Variants in ULBP2 observed in about 807,000 individuals in gnomAD.
ULBP2 encodes UL16 binding protein 2, also known as UL16-binding protein 2.
A neutral mutation model predicts 23.6 loss-of-function variants in ULBP2; 21 were observed. The observed-to-expected ratio is 0.89, with a 90% CI of 0.63 to 1.28. ULBP2 has a LOEUF of 1.28. Among genes scored for constraint, ULBP2 ranks in the 50% most tolerant of loss-of-function variants. ULBP2 has a pLI of 0.00. For missense variants in ULBP2, 251 were observed against 306.0 expected, an observed-to-expected ratio of 0.82 and a Z score of 1.34; for synonymous variants, 82 against 112.8, an observed-to-expected ratio of 0.73 and a Z score of 1.73.
intron 1 of ULBP2, among the ~76,000 whole-genome samples, chr6:149,942,691 C>T (rs1048736955): frequency 6.6e-6 from 1 of 152,170 alleles, no homozygotes; most frequent in Non-Finnish European, 1.5e-5. Context: ...GCTCAGCAGA[C>T]AACCGCCACC....
At chr6:149,946,281 A>C in intron 2 of ULBP2, 91 bp from the exon 3 acceptor site, 1 of 1,470,760 alleles carries the variant, frequency 6.8e-7, no homozygotes, top group Non-Finnish European at 9.3e-7. Context: ...AAGATGTAGC[A>C]GAGAGAGTAA....
At position 149,942,017 on chromosome 6, in the gene ULBP2, C is replaced by A; in HGVS notation, c.-56C>A. The A allele has an allele frequency of 6.4e-7, 1 of 1,560,836 alleles. No homozygotes were observed. The highest frequency in any genetic ancestry group is 8.7e-7 in the Non-Finnish European group (1 of 1,149,328). On this transcript the variant is annotated 5_prime_UTR_variant, in exon 1 of 5. Transcript: ENST00000367351. ...GAGGCTTTAAAACCTTGAGGTGATT[C>A]ATCTTCCAGGCTCTCCTTCCATCAA...
intron 4 of ULBP2, 69 bp from the exon 5 acceptor site, chr6:149,948,654 G>A (rs896596294): frequency 1.3e-5 from 6 of 456,542 alleles, no homozygotes; most frequent in African/African-American, 1.2e-4. Context: ...AGTGACTAGG[G>A]AAAGATTACC....
At chr6:149,948,581 G>T in intron 4 of ULBP2, 142 bp from the exon 5 acceptor site, 2 of 431,200 alleles carry the variant, frequency 4.6e-6, no homozygotes, top group East Asian at 1.4e-4. Context: ...CCAAGCTGCA[G>T]TCGCCAGGGT....
chr6:149,946,692 C>A (rs1778947796), intron 3 of ULBP2, 39 bp downstream of exon 3: 6 of 1,608,342 alleles, frequency 3.7e-6, no homozygotes, highest in Non-Finnish European at 5.1e-6. Flanking sequence ...CAAATGTGAT[C>A]AGAAATGGTG....
At position 149,948,557 on chromosome 6, in the gene ULBP2, G is replaced by C. The variant is rs967696264; in HGVS notation, c.*23-166G>C. ...GCTGACTCTGTGATGTGACAGAGGA[G>C]GAAAGAGGTAGGTCCAAGCTGCAGT... On this transcript the variant is annotated intron_variant, in intron 4 of 4. Transcript: ENST00000367351. Among the ~76,000 whole-genome samples the C allele has an allele frequency of 2.6e-5, 4 of 152,254 alleles. No homozygotes were observed. In the East Asian group the frequency reaches 7.7e-4, roughly 29 times the overall value.
At chr6:149,946,808 C>T in intron 3 of ULBP2, 155 bp downstream of exon 3, 1 of 1,285,130 alleles carries the variant, frequency 7.8e-7, no homozygotes, top group Non-Finnish European at 1.1e-6. Flanking sequence ...ACTGGCATGC[C>T]TGTGCTCTCC....
At chr6:149,944,478 G>C (rs569586064) in intron 1 of ULBP2, among the ~76,000 whole-genome samples, 1 of 142,908 alleles carries the variant, frequency 7.0e-6, no homozygotes, top group East Asian at 2.1e-4. Flanking sequence ...CATTACTCTG[G>C]GAGCAGATTT....
At chr6:149,947,076 C>A (rs1778954315) in intron 3 of ULBP2, among the ~76,000 whole-genome samples, 1 of 152,044 alleles carries the variant, frequency 6.6e-6, no homozygotes, top group African/African-American at 2.4e-5. Flanking sequence ...CCTCTTCCCC[C>A]ACAGCAGGAG....
intron 2 of ULBP2, among the ~76,000 whole-genome samples, 176 bp downstream of exon 2, chr6:149,945,748 C>T (rs1159248595): frequency 1.4e-4 from 22 of 152,088 alleles, no homozygotes; most frequent in Non-Finnish European, 1.9e-4. Flanking sequence ...CGAGACCAGC[C>T]TGACCAACAT....
At chr6:149,942,394 G>T (rs1233127018) in intron 1 of ULBP2, among the ~76,000 whole-genome samples, 1 of 152,174 alleles carries the variant, frequency 6.6e-6, no homozygotes, top group Non-Finnish European at 1.5e-5. Context: ...GGAGGGTGGA[G>T]GGGCCGGAGG....
chr6:149,944,386 A>G (rs527347670), intron 1 of ULBP2, among the ~76,000 whole-genome samples: 1 of 150,628 alleles, frequency 6.6e-6, no homozygotes, highest in East Asian at 1.9e-4. Context: ...GACTTCTCTA[A>G]TCATTTCCAT....
chr6:149,942,042 A>C lies in ULBP2; in HGVS notation c.-31A>C, dbSNP rs369733124. ...CATCTTCCAGGCTCTCCTTCCATCA[A>C]GTCTCTCATCCCTAGCGCTCTGGGT... On this transcript the variant is annotated 5_prime_UTR_variant, in exon 1 of 5. Transcript: ENST00000367351. 2 of 1,605,788 alleles carry C rather than the reference A, an allele frequency of 1.2e-6. No individual in the cohort carries two copies. Among genetic ancestry groups the C allele is most frequent in the Non-Finnish European group, 1.7e-6 (2 of 1,175,772 alleles).
chr6:149,945,630 T>C (rs1406043122), intron 2 of ULBP2, 58 bp downstream of exon 2: 1 of 1,613,152 alleles, frequency 6.2e-7, no homozygotes. Flanking sequence ...GTTAGAGGCA[T>C]TTATAGTTTT....
chr6:149,948,420 G>T (rs1192566309), intron 4 of ULBP2, among the ~76,000 whole-genome samples: 1 of 152,170 alleles, frequency 6.6e-6, no homozygotes, highest in Non-Finnish European at 1.5e-5. Context: ...CCTGTTTTAG[G>T]CCTTCACATC....
chr6:149,945,641 C>T lies in ULBP2; in HGVS notation c.349+69C>T. On this transcript the variant is annotated intron_variant, in intron 2 of 4. Coordinates refer to ENST00000367351, the MANE Select transcript of ULBP2 (RefSeq NM_025217.4). ...GTAGGTTAGAGGCATTTATAGTTTTCATGTAAAAATACAAAAGGGTCCTGG... is the reference window on the plus strand; with the variant it reads ...GTAGGTTAGAGGCATTTATAGTTTTTATGTAAAAATACAAAAGGGTCCTGG... 14 of 1,612,878 alleles carry T rather than the reference C, an allele frequency of 8.7e-6. No individual in the cohort carries two copies. The South Asian group carries it at 1.5e-4, about 18-fold the overall frequency.
chr6:149,942,220 C>A, intron 1 of ULBP2, 63 bp downstream of exon 1: 2 of 1,544,296 alleles, frequency 1.3e-6, no homozygotes, highest in Non-Finnish European at 8.8e-7. Flanking sequence ...TGAACTGCCG[C>A]GGGTTTCAGA....
intron 1 of ULBP2, among the ~76,000 whole-genome samples, chr6:149,942,695 C>A (rs1004836385): frequency 9.2e-5 from 14 of 152,082 alleles, no homozygotes; most frequent in Non-Finnish European, 1.6e-4. Flanking sequence ...AGCAGACAAC[C>A]GCCACCCCTC....
In ULBP2 at chr6:149,947,192, C is replaced by T. The variant is rs1582815048; in HGVS notation, c.632-128C>T. Reference sequence around the variant, plus strand: ...AAGCCAGGACCTGTCATACTGGCTGCCCCACACCAGGGGGGAGAGGACAAA... The same window carrying T: ...AAGCCAGGACCTGTCATACTGGCTGTCCCACACCAGGGGGGAGAGGACAAA... On this transcript the variant is annotated intron_variant, in intron 3 of 4. Coordinates refer to ENST00000367351, the MANE Select transcript of ULBP2 (RefSeq NM_025217.4). 7.7e-6 allele frequency: 12 copies of T among 1,560,266 alleles called. No homozygotes were observed. In the South Asian group the frequency reaches 1.0e-4, roughly 14 times the overall value.
Sources: gnomAD v4.1 joint callset for allele counts (sites outside exome capture counted in the v4.1 genomes callset) on GRCh38, gnomAD v4.1.1 for gene constraint, MANE v1.5 for transcripts, NCBI Gene and HGNC (gene_info 2026-07-23, HGNC 2026-07-21) for gene names.